Variants in KCNG3 observed in about 807,000 individuals in gnomAD.
The protein encoded by KCNG3 is voltage-gated potassium channel regulatory subunit KCNG3.
In KCNG3, 15 loss-of-function variants were observed where a neutral mutation model predicts 29.0. That is an observed-to-expected ratio of 0.52 (90% confidence interval 0.35 to 0.80). The LOEUF (loss-of-function observed/expected upper bound fraction) is 0.80, where lower values mean the gene tolerates loss of function less well. KCNG3 is among the 30% of genes least tolerant of loss of function. KCNG3 has a pLI of 0.01. For synonymous variants in KCNG3, 322 were observed against 248.9 expected, an observed-to-expected ratio of 1.29 and a Z score of -2.76; for missense variants, 512 against 605.7, an observed-to-expected ratio of 0.85 and a Z score of 1.62.
chr2:42,403,621 C>CTTTTTTTTTTT, the KCNG3 span, among the ~76,000 whole-genome samples: 3 of 134,404 alleles, frequency 2.2e-5, no homozygotes, highest in African/African-American at 2.7e-5. Context: ...ACTTTTTTTT[C>CTTTTTTTTTTT]TTTTTTTTTT....
intron 1 of KCNG3, among the ~76,000 whole-genome samples, chr2:42,479,345 T>C (rs944319951): frequency 6.6e-6 from 1 of 152,044 alleles, no homozygotes; most frequent in African/African-American, 2.4e-5. Flanking sequence ...ATGAATATCG[T>C]CATATAAAAG....
At chr2:42,472,673 AT>A (rs1242416614) in intron 1 of KCNG3, among the ~76,000 whole-genome samples, 17 of 149,620 alleles carry the variant, frequency 1.1e-4, no homozygotes, top group African/African-American at 4.2e-4. Flanking sequence ...TAATTTTTGT[AT>A]TTTTTGGTAA....
the KCNG3 span, among the ~76,000 whole-genome samples, chr2:42,403,901 C>T: frequency 6.6e-6 from 1 of 152,142 alleles, no homozygotes; most frequent in African/African-American, 2.4e-5. Flanking sequence ...CTGGCCCTAG[C>T]TGCATTTATG....
intron 1 of KCNG3, among the ~76,000 whole-genome samples, chr2:42,458,041 T>G (rs1672922862): frequency 6.6e-6 from 1 of 152,170 alleles, no homozygotes; most frequent in African/African-American, 2.4e-5. Flanking sequence ...CTGGGATTCA[T>G]GGATGTCCCT....
In KCNG3 at chr2:42,492,953, C is replaced by G. The variant is rs140151730; in HGVS notation, c.549G>C (p.Val183=). 6.3e-7 allele frequency: 1 copy of G among 1,585,062 alleles called. No individual in the cohort carries two copies. The highest frequency in any genetic ancestry group is 8.6e-7 in the Non-Finnish European group (1 of 1,169,332). Residue 183 remains valine (V), a synonymous_variant, in exon 1 of 2, where the codon GTG becomes GTC. Transcript: ENST00000306078. Reference sequence around the variant, plus strand: ...TGCTGGCGCACAGCACCACCATGGACACGATCACGAACACCACCGACACGC... The same window carrying G: ...TGCTGGCGCACAGCACCACCATGGAGACGATCACGAACACCACCGACACGC... ...LASVSVVFVI[V]SMVVLCASTL... is the part of the protein sequence containing the mutation.
Position 42,493,334 on chromosome 2 carries a change from G to A in KCNG3, c.168C>T (p.Arg56=). 1 of 1,603,644 alleles carries A rather than the reference G, an allele frequency of 6.2e-7. No individual in the cohort carries two copies. ...GGTCGAAGAAGTACTCGTTGCGCTC[G>A]CGGTCGTAGTCGTCGCACACCTCGA... ...DVLEVCDDYD[R]ERNEYFFDRH... The change falls in exon 1 of 2, where the codon CGC becomes CGT. Residue 56 remains arginine, a synonymous_variant. Transcript: ENST00000306078.
chr2:42,432,082 A>C, the KCNG3 span, among the ~76,000 whole-genome samples: 1 of 152,038 alleles, frequency 6.6e-6, no homozygotes, highest in Non-Finnish European at 1.5e-5. Flanking sequence ...AGGACCCCAG[A>C]ATGGGTCTTC....
intron 1 of KCNG3, among the ~76,000 whole-genome samples, chr2:42,445,881 C>G (rs1432994828): frequency 6.6e-6 from 1 of 151,984 alleles, no homozygotes; most frequent in African/African-American, 2.4e-5. Context: ...CGTCTGCCAC[C>G]ATGCGTGACT....
chr2:42,392,928 T>C, the KCNG3 span, among the ~76,000 whole-genome samples: 1 of 152,116 alleles, frequency 6.6e-6, no homozygotes, highest in African/African-American at 2.4e-5. Flanking sequence ...TATGGGAGTA[T>C]TGGGTTGATT....
At chr2:42,487,341 T>C (rs986553188) in intron 1 of KCNG3, among the ~76,000 whole-genome samples, 14 of 109,358 alleles carry the variant, frequency 1.3e-4, no homozygotes, top group Non-Finnish European at 1.8e-4. Context: ...TCTTTTTTTT[T>C]TCTTTCTTTT....
At chr2:42,399,274 T>C in the KCNG3 span, among the ~76,000 whole-genome samples, 6 of 152,198 alleles carry the variant, frequency 3.9e-5, no homozygotes, top group African/African-American at 1.2e-4. Context: ...CCCAGGCTGG[T>C]CTTGAACTCC....
the KCNG3 span, among the ~76,000 whole-genome samples, chr2:42,428,024 T>C: frequency 2.6e-5 from 4 of 152,214 alleles, no homozygotes; most frequent in East Asian, 3.8e-4. Flanking sequence ...CAAAGACTTA[T>C]AGTGTCTATG....
rs531936237 is a variant in KCNG3 at position 42,448,851 on chromosome 2, G to C, written c.666-4272C>G. Among the ~76,000 whole-genome samples the C allele has an allele frequency of 1.4e-3, 216 of 152,056 alleles. 1 individual carries two copies. Among genetic ancestry groups the C allele is most frequent in the Non-Finnish European group, 1.8e-3 (125 of 67,904 alleles). ...AAATTAGCCGGGCGCAGTGGCGGGT[G>C]CCTGTAGTCCCAGCTACTTGGGAGG... On this transcript the variant is annotated intron_variant, in intron 1 of 1. Coordinates refer to ENST00000306078, the MANE Select transcript of KCNG3 (RefSeq NM_133329.6).
At chr2:42,428,638 T>C in the KCNG3 span, among the ~76,000 whole-genome samples, 3 of 152,086 alleles carry the variant, frequency 2.0e-5, no homozygotes, top group African/African-American at 7.2e-5. Context: ...TCTTACTATA[T>C]TTCCAAATTA....
At chr2:42,440,381 C>A (rs1354671051), downstream of KCNG3, 5 of 150,302 alleles carry the variant, frequency 3.3e-5, no homozygotes, top group African/African-American at 1.2e-4. Flanking sequence ...TTTTTCATTT[C>A]TATGGAAAAG....
At chr2:42,455,073 AGC>A (rs1672846597) in intron 1 of KCNG3, among the ~76,000 whole-genome samples, 5 of 152,254 alleles carry the variant, frequency 3.3e-5, no homozygotes, top group Admixed American at 2.0e-4. Context: ...AATTTTAAAG[AGC>A]AAACATATGA....
the KCNG3 span, among the ~76,000 whole-genome samples, chr2:42,427,082 T>A: frequency 6.6e-6 from 1 of 152,150 alleles, no homozygotes; most frequent in Non-Finnish European, 1.5e-5. Flanking sequence ...CTAGAAAAAA[T>A]AACTAGAAAT....
chr2:42,461,182 C>CAAAAAAAAAAAAAAAAAAACAA (rs1673008785), intron 1 of KCNG3, among the ~76,000 whole-genome samples: 1 of 56,422 alleles, frequency 1.8e-5, no homozygotes, highest in Non-Finnish European at 3.4e-5. Flanking sequence ...CAAAACAAAA[C>CAAAAAAAAAAAAAAAAAAACAA]AAAAAAAAAA....
intron 1 of KCNG3, among the ~76,000 whole-genome samples, chr2:42,459,239 G>A (rs993581609): frequency 6.6e-6 from 1 of 151,480 alleles, no homozygotes; most frequent in Non-Finnish European, 1.5e-5. Context: ...AGACAGAATG[G>A]TATTATGGTT....
Sources: gnomAD v4.1 joint callset for allele counts (sites outside exome capture counted in the v4.1 genomes callset) on GRCh38, gnomAD v4.1.1 for gene constraint, MANE v1.5 for transcripts, NCBI Gene and HGNC (gene_info 2026-07-23, HGNC 2026-07-21) for gene names.